The following NAALADL2 variants were observed in gnomAD, a reference collection of about 807,000 sequenced individuals.
NAALADL2 encodes N-acetylated alpha-linked acidic dipeptidase like 2.
Under a neutral mutation model 87.2 loss-of-function variants are expected in NAALADL2, and 76 were observed. The observed-to-expected ratio is 0.87, with a 90% CI of 0.72 to 1.05. NAALADL2 has a LOEUF of 1.05. Among genes scored for constraint, NAALADL2 ranks in the 50% least tolerant of loss-of-function variants. NAALADL2 has a pLI of 0.00. For synonymous variants in NAALADL2, 354 were observed against 331.0 expected, an observed-to-expected ratio of 1.07 and a Z score of -0.75; for missense variants, 1,089 against 945.8, an observed-to-expected ratio of 1.15 and a Z score of -1.99.
intron 11 of NAALADL2, among the ~76,000 whole-genome samples, chr3:175,654,932 C>CTT (rs75686469): frequency 2.1e-5 from 3 of 142,042 alleles, no homozygotes; most frequent in Non-Finnish European, 4.6e-5. Context: ...TGCAAGATAT[C>CTT]TTTTTTTTTT....
Position 174,962,283 on chromosome 3 carries a change from T to G in NAALADL2, c.43+102833T>G, listed in dbSNP as rs149240608. Reference sequence around the variant, plus strand: ...CCACCCAGCTAAGTTGTTCATAGATTCCTACATTGTATTTAAGTCACTCTT... The same window carrying G: ...CCACCCAGCTAAGTTGTTCATAGATGCCTACATTGTATTTAAGTCACTCTT... On this transcript the variant is annotated intron_variant, in intron 1 of 13. Coordinates refer to ENST00000454872, the MANE Select transcript of NAALADL2 (RefSeq NM_207015.3). Among the ~76,000 whole-genome samples the G allele has an allele frequency of 2.7e-5, 4 of 148,344 alleles. No homozygotes were observed. The East Asian group carries it at 7.9e-4, about 29-fold the overall frequency.
At chr3:175,276,568 G>C (rs1753627223) in intron 4 of NAALADL2, among the ~76,000 whole-genome samples, 1 of 152,240 alleles carries the variant, frequency 6.6e-6, no homozygotes, top group South Asian at 2.1e-4. Flanking sequence ...CTCCCAAAGT[G>C]CTGGGATTAC....
chr3:175,807,509 C>T lies in NAALADL2; in HGVS notation c.*4306C>T, dbSNP rs1754812869. On this transcript the variant is annotated 3_prime_UTR_variant, in exon 14 of 14. Transcript: ENST00000454872. Reference sequence around the variant, plus strand: ...AATTAAGCTTTCTCTGAGGGTAACACATTGTCATCTCATTGGTTTAATGGG... The same window carrying T: ...AATTAAGCTTTCTCTGAGGGTAACATATTGTCATCTCATTGGTTTAATGGG... 6.6e-6 allele frequency: 1 copy of T among 151,860 alleles called. No individual in the cohort carries two copies. Among genetic ancestry groups the T allele is most frequent in the Admixed American group, 6.6e-5 (1 of 15,190 alleles). 9.4% of individuals were successfully genotyped at this position (151,860 alleles called of 1,614,324 possible).
In NAALADL2 at chr3:174,614,707, T is replaced by A. The variant is rs557386801; in HGVS notation, c.-115+64070T>A. On this transcript the variant is annotated intron_variant, in intron 2 of 3. Transcript: ENST00000434257. ...CTCTTATGAAGGTATTTTTAAAAAATTTTTTCTGTAGATATTTGTTAAATT... is the reference window on the plus strand; with the variant it reads ...CTCTTATGAAGGTATTTTTAAAAAAATTTTTCTGTAGATATTTGTTAAATT... Among the ~76,000 whole-genome samples, 9 of 152,254 alleles carry A rather than the reference T, an allele frequency of 5.9e-5. No homozygotes were observed. In the South Asian group the frequency reaches 1.0e-3, roughly 18 times the overall value.
At chr3:175,097,802 A>G (rs1437336938) in intron 2 of NAALADL2, among the ~76,000 whole-genome samples, 5 of 152,136 alleles carry the variant, frequency 3.3e-5, no homozygotes, top group Non-Finnish European at 7.4e-5. Context: ...AAGGTTTTCT[A>G]GTTTACATAT....
intron 1 of NAALADL2, among the ~76,000 whole-genome samples, chr3:174,518,202 T>C (rs1229998193): frequency 6.6e-6 from 1 of 152,162 alleles, no homozygotes; most frequent in East Asian, 1.9e-4. Context: ...CCTGTGTGTA[T>C]GTAATTTCCT....
At chr3:174,522,946 A>G (rs1396636541) in intron 1 of NAALADL2, among the ~76,000 whole-genome samples, 10 of 150,754 alleles carry the variant, frequency 6.6e-5, no homozygotes, top group Non-Finnish European at 1.5e-4. Flanking sequence ...AAAAAAAAAA[A>G]AAAAAAAAAA....
chr3:175,603,916 C>T (rs11708884), intron 10 of NAALADL2, among the ~76,000 whole-genome samples: 105,105 of 151,890 alleles, frequency 0.69, 37,334 homozygotes, highest in East Asian at 0.85. Context: ...ATCACCTGAG[C>T]CCAGGAGGTT....
At chr3:174,844,990 T>G in intron 3 of NAALADL2, among the ~76,000 whole-genome samples, 1 of 151,198 alleles carries the variant, frequency 6.6e-6, no homozygotes, top group African/African-American at 2.4e-5. Flanking sequence ...CCAGGGGGAG[T>G]GGGGCTGCCT....
intron 13 of NAALADL2, among the ~76,000 whole-genome samples, chr3:175,781,705 TTA>T (rs922570111): frequency 3.3e-5 from 5 of 151,840 alleles, no homozygotes; most frequent in African/African-American, 1.2e-4. Flanking sequence ...CATAACGCTT[TTA>T]TTTTTTTTAT....
chr3:175,675,297 T>C (rs1453036358), intron 11 of NAALADL2: 2 of 152,258 alleles, frequency 1.3e-5, no homozygotes, highest in African/African-American at 2.4e-5. Context: ...ATTTGCTACA[T>C]CATATGACCA....
chr3:174,766,990 G>A (rs1240152809), intron 3 of NAALADL2, among the ~76,000 whole-genome samples: 4 of 152,174 alleles, frequency 2.6e-5, no homozygotes, highest in African/African-American at 9.7e-5. Flanking sequence ...CATGTGAATG[G>A]CACTGCCTAG....
intron 2 of NAALADL2, among the ~76,000 whole-genome samples, chr3:174,651,412 T>C (rs1724350268): frequency 6.6e-6 from 1 of 152,202 alleles, no homozygotes; most frequent in African/African-American, 2.4e-5. Flanking sequence ...TTTGTGCATG[T>C]GGACAAGCAA....
At chr3:174,535,694 C>G (rs1230176494) in intron 1 of NAALADL2, among the ~76,000 whole-genome samples, 1 of 151,992 alleles carries the variant, frequency 6.6e-6, no homozygotes, top group Non-Finnish European at 1.5e-5. Flanking sequence ...TAGTTCATTT[C>G]TCTGGGATCT....
intron 2 of NAALADL2, among the ~76,000 whole-genome samples, chr3:174,607,999 A>G (rs1280076478): frequency 6.6e-6 from 1 of 152,350 alleles, no homozygotes; most frequent in Admixed American, 6.5e-5. Context: ...ACTAGAACTG[A>G]GGATTAAGAA....
At chr3:174,966,868 C>A (rs1008025908) in intron 1 of NAALADL2, among the ~76,000 whole-genome samples, 14 of 151,978 alleles carry the variant, frequency 9.2e-5, no homozygotes, top group African/African-American at 3.1e-4. Context: ...CGATCTGAAT[C>A]CCTGGAAAAA....
chr3:175,313,123 C>A (rs912483241), intron 4 of NAALADL2, among the ~76,000 whole-genome samples: 7 of 152,112 alleles, frequency 4.6e-5, no homozygotes, highest in African/African-American at 1.7e-4. Flanking sequence ...TGTGCACATG[C>A]ATTTCTGGTA....
intron 13 of NAALADL2, among the ~76,000 whole-genome samples, chr3:175,787,939 C>T (rs1020628392): frequency 6.6e-6 from 1 of 151,862 alleles, no homozygotes; most frequent in Non-Finnish European, 1.5e-5. Context: ...TTTAGTATAG[C>T]CTAAGTGTAC....
chr3:175,523,211 T>C (rs566679290), intron 9 of NAALADL2, among the ~76,000 whole-genome samples: 2 of 152,222 alleles, frequency 1.3e-5, no homozygotes, highest in Non-Finnish European at 2.9e-5. Context: ...TTAGTTGTAA[T>C]AACTGGAGAG....
Sources: allele counts gnomAD v4.1 joint callset (sites outside exome capture counted in the v4.1 genomes callset), GRCh38; gene constraint gnomAD v4.1.1; transcripts MANE v1.5; gene names NCBI Gene and HGNC (gene_info 2026-07-23, HGNC 2026-07-21).